Variants in PLD5 observed in about 807,000 individuals in gnomAD.
The protein encoded by PLD5 is phospholipase D family member 5.
In PLD5, 36 loss-of-function variants were observed where a neutral mutation model predicts 61.1. That is an observed-to-expected ratio of 0.59 (90% CI 0.45 to 0.78). The LOEUF is 0.78. Ranked by LOEUF, PLD5 falls within the 30% of genes least tolerant of loss-of-function variation. PLD5 has a pLI of 0.00. For missense variants in PLD5, 515 were observed against 644.4 expected, an observed-to-expected ratio of 0.80 and a Z score of 2.17; for synonymous variants, 243 against 242.8, an observed-to-expected ratio of 1.00 and a Z score of -0.01.
At chr1:242,331,881 C>G (rs1659194478) in intron 2 of PLD5, among the ~76,000 whole-genome samples, 1 of 152,156 alleles carries the variant, frequency 6.6e-6, no homozygotes. Context: ...AAGTCCCTCA[C>G]TTAGCAATGC....
chr1:242,476,914 A>G (rs1431401162), intron 1 of PLD5, among the ~76,000 whole-genome samples: 1 of 152,178 alleles, frequency 6.6e-6, no homozygotes, highest in Admixed American at 6.5e-5. Context: ...AAGAAATAAT[A>G]TAAGTGACAA....
intron 3 of PLD5, among the ~76,000 whole-genome samples, chr1:242,267,387 T>G (rs1399135521): frequency 6.6e-6 from 1 of 152,004 alleles, no homozygotes; most frequent in Non-Finnish European, 1.5e-5. Context: ...GACAACAGAG[T>G]GGAAGTTGCA....
chr1:242,254,964 G>A (rs1672934293), intron 4 of PLD5, among the ~76,000 whole-genome samples: 1 of 152,224 alleles, frequency 6.6e-6, no homozygotes, highest in Admixed American at 6.5e-5. Context: ...ATAGGACAAA[G>A]GCAGCAGCCT....
intron 6 of PLD5, among the ~76,000 whole-genome samples, chr1:242,119,159 A>G (rs1662175230): frequency 6.6e-6 from 1 of 152,224 alleles, no homozygotes; most frequent in African/African-American, 2.4e-5. Context: ...TTAGATCAGT[A>G]GGCACCATAT....
intron 4 of PLD5, among the ~76,000 whole-genome samples, chr1:242,238,909 C>T (rs1476165209): frequency 1.3e-5 from 2 of 152,070 alleles, no homozygotes; most frequent in African/African-American, 4.8e-5. Context: ...CCCTGGTATC[C>T]TCTGTCTGGG....
intron 1 of PLD5, among the ~76,000 whole-genome samples, chr1:242,444,380 T>C (rs1213715021): frequency 6.6e-6 from 1 of 152,070 alleles, no homozygotes; most frequent in African/African-American, 2.4e-5. Context: ...GTATTTTGTA[T>C]GCACTCATTC....
Position 242,219,997 on chromosome 1 carries a change from G to A in PLD5, c.726C>T (p.Ser242=), listed in dbSNP as rs775138745. The stretch of plus-strand genomic sequence containing the variant: ...AACGTAGAAAGCTTACCTGTCCCAG[G>A]GATTGCCAGTCCAAACCGGCACTGC... ...YIGSAGLDWQ[S]LGQMKELGVI... Residue 242 remains serine (S), a synonymous_variant, in exon 5 of 10, where the codon TCC becomes TCT. Transcript: ENST00000536534. 2 of 1,613,970 alleles carry A rather than the reference G, an allele frequency of 1.2e-6. No individual in the cohort carries two copies. The highest frequency in any genetic ancestry group is 1.1e-5 in the South Asian group (1 of 91,080).
chr1:242,512,695 A>G (rs1668968271), intron 1 of PLD5, among the ~76,000 whole-genome samples: 1 of 152,200 alleles, frequency 6.6e-6, no homozygotes, highest in Non-Finnish European at 1.5e-5. Context: ...ATAGATCACT[A>G]AAGTGACTCC....
At chr1:242,183,051 GCT>G (rs1667625281) in intron 5 of PLD5, among the ~76,000 whole-genome samples, 1 of 152,084 alleles carries the variant, frequency 6.6e-6, no homozygotes, top group Non-Finnish European at 1.5e-5. Flanking sequence ...TCTCAACAAA[GCT>G]CTTACTCAAA....
At chr1:242,283,716 C>T (rs551644529) in intron 3 of PLD5, among the ~76,000 whole-genome samples, 10 of 152,114 alleles carry the variant, frequency 6.6e-5, no homozygotes, top group South Asian at 6.2e-4. Context: ...TATTTTTGCA[C>T]GCAATAAACC....
intron 5 of PLD5, among the ~76,000 whole-genome samples, chr1:242,216,658 G>GCAC (rs1294974484): frequency 6.6e-6 from 1 of 152,188 alleles, no homozygotes; most frequent in Non-Finnish European, 1.5e-5. Context: ...ACTCTTTACA[G>GCAC]CACCTTCTTT....
chr1:242,505,111 C>T (rs1668680546), intron 1 of PLD5, among the ~76,000 whole-genome samples: 1 of 152,134 alleles, frequency 6.6e-6, no homozygotes, highest in Non-Finnish European at 1.5e-5. Flanking sequence ...GAGCAGTGAC[C>T]ATGCCACTCC....
chr1:242,309,749 T>C (rs529560952), intron 2 of PLD5, among the ~76,000 whole-genome samples: 34 of 150,204 alleles, frequency 2.3e-4, no homozygotes, highest in African/African-American at 6.8e-4. Flanking sequence ...GATTCCCTAA[T>C]TGGAATTCAA....
At chr1:242,408,516 G>C (rs555047065) in intron 1 of PLD5, among the ~76,000 whole-genome samples, 1 of 152,232 alleles carries the variant, frequency 6.6e-6, no homozygotes, top group South Asian at 2.1e-4. Context: ...CTGGTTATTT[G>C]AAAGTGTGTG....
Position 242,248,940 on chromosome 1 carries a change from G to T in PLD5, c.607+16397C>A, listed in dbSNP as rs1574608039. Among the ~76,000 whole-genome samples, 6 of 152,178 alleles carry T rather than the reference G, an allele frequency of 3.9e-5. No individual in the cohort carries two copies. The South Asian group carries it at 1.2e-3, about 32-fold the overall frequency. ...AGGCGGGCGGATCACCTAAGGTCAGGAGTTTGAGACCAGCCTGGCCAACAT... is the reference window on the plus strand; with the variant it reads ...AGGCGGGCGGATCACCTAAGGTCAGTAGTTTGAGACCAGCCTGGCCAACAT... On this transcript the variant is annotated intron_variant, in intron 4 of 9. Transcript: ENST00000536534.
chr1:242,376,908 T>C, intron 1 of PLD5: 2 of 1,590,572 alleles, frequency 1.3e-6, no homozygotes, highest in Admixed American at 1.7e-5. Flanking sequence ...ATTTTCCTCA[T>C]GGATCATCTG....
intron 1 of PLD5, chr1:242,365,672 T>G (rs1334141463): frequency 5.6e-6 from 1 of 177,740 alleles, no homozygotes; most frequent in Non-Finnish European, 1.2e-5. Context: ...TGTCTGGCTG[T>G]GACTGTTGGC....
At chr1:242,327,060 T>C (rs2149195926) in intron 2 of PLD5, among the ~76,000 whole-genome samples, 1 of 55,448 alleles carries the variant, frequency 1.8e-5, no homozygotes, top group Admixed American at 2.3e-4. Flanking sequence ...GGAGATGGGG[T>C]TTCACCGTGT....
intron 1 of PLD5, among the ~76,000 whole-genome samples, chr1:242,422,934 C>T (rs34087374): frequency 6.3e-4 from 96 of 151,530 alleles, no homozygotes; most frequent in Non-Finnish European, 1.2e-3. Flanking sequence ...CTGCAGTCTC[C>T]ACCTCCTGGG....
Sources: allele counts gnomAD v4.1 joint callset (sites outside exome capture counted in the v4.1 genomes callset), GRCh38; gene constraint gnomAD v4.1.1; transcripts MANE v1.5; gene names NCBI Gene and HGNC (gene_info 2026-07-23, HGNC 2026-07-21).